The following LTBP2 variants were observed in gnomAD, a reference collection of about 807,000 sequenced individuals.
LTBP2 encodes latent-transforming growth factor beta-binding protein 2.
LTBP2 carries 103 observed loss-of-function variants against 210.6 expected under a neutral mutation model. The observed-to-expected ratio is 0.49, with a 90% confidence interval of 0.42 to 0.58. The LOEUF is 0.58. LTBP2 is among the 20% of genes least tolerant of loss of function. LTBP2 has a pLI of 0.00. For synonymous variants in LTBP2, 1,007 were observed against 1,015.0 expected, an observed-to-expected ratio of 0.99 and a Z score of 0.15; for missense variants, 2,313 against 2,494.5, an observed-to-expected ratio of 0.93 and a Z score of 1.55.
chr14:74,522,346 T>C (rs1009829986), intron 16 of LTBP2, among the ~76,000 whole-genome samples: 1 of 152,180 alleles, frequency 6.6e-6, no homozygotes, highest in African/African-American at 2.4e-5. Context: ...TTCTCCCTTA[T>C]TTGAAAATAT....
chr14:74,609,852 C>G (rs570273640), intron 1 of LTBP2, among the ~76,000 whole-genome samples: 1 of 152,400 alleles, frequency 6.6e-6, no homozygotes, highest in East Asian at 1.9e-4. Flanking sequence ...GACTCTGGGC[C>G]TCCATCCCCT....
chr14:74,574,386 C>G (rs2088027741), intron 3 of LTBP2, among the ~76,000 whole-genome samples: 1 of 152,174 alleles, frequency 6.6e-6, no homozygotes, highest in African/African-American at 2.4e-5. Context: ...CTCCTGGGTG[C>G]TGGTCCCTGT....
At chr14:74,509,111 G>A in intron 22 of LTBP2, 127 bp downstream of exon 22, 1 of 1,575,972 alleles carries the variant, frequency 6.3e-7, no homozygotes, top group Non-Finnish European at 8.7e-7. Context: ...AAGCTTGTGA[G>A]CGACTCTTGG....
intron 24 of LTBP2, 66 bp downstream of exon 24, chr14:74,508,538 A>G: frequency 6.4e-7 from 1 of 1,566,884 alleles, no homozygotes; most frequent in South Asian, 1.1e-5. Context: ...GCTCCTGACC[A>G]GTAGAGGTAG....
intron 2 of LTBP2, among the ~76,000 whole-genome samples, chr14:74,602,076 C>A (rs1012061907): frequency 7.9e-5 from 12 of 152,312 alleles, no homozygotes; most frequent in Middle Eastern, 3.4e-3. Flanking sequence ...CTGCTATGGT[C>A]TGTGGGGATT....
At chr14:74,501,050 G>T (rs1244405989) in intron 35 of LTBP2, 21 bp from the exon 36 acceptor site, 3 of 1,608,806 alleles carry the variant, frequency 1.9e-6, no homozygotes, top group Non-Finnish European at 2.5e-6. Context: ...ACAAAGGAGA[G>T]TGCTGTAGGG....
intron 19 of LTBP2, 92 bp from the exon 20 acceptor site, chr14:74,510,305 G>T: frequency 6.3e-7 from 1 of 1,580,706 alleles, no homozygotes; most frequent in South Asian, 1.1e-5. Flanking sequence ...TATGAGGCCA[G>T]GGAACCAGCC....
At chr14:74,507,018 C>T (rs1404904652) in intron 26 of LTBP2, among the ~76,000 whole-genome samples, 161 bp downstream of exon 26, 1 of 152,266 alleles carries the variant, frequency 6.6e-6, no homozygotes, top group Non-Finnish European at 1.5e-5. Flanking sequence ...CTAACATTCA[C>T]AGTCCTGTGG....
intron 3 of LTBP2, among the ~76,000 whole-genome samples, chr14:74,567,951 G>A (rs924806061): frequency 2.0e-5 from 3 of 152,044 alleles, no homozygotes; most frequent in Admixed American, 6.5e-5. Context: ...TGAATTCGTC[G>A]TTCAACCACC....
At chr14:74,596,761 C>T (rs1566654284) in intron 2 of LTBP2, among the ~76,000 whole-genome samples, 1 of 152,114 alleles carries the variant, frequency 6.6e-6, no homozygotes, top group East Asian at 1.9e-4. Context: ...CCCTGTAGCC[C>T]CTGGGTGGCT....
At position 74,510,088 on chromosome 14, in the gene LTBP2, T is replaced by C; in HGVS notation, c.3151+3A>G. The C allele has an allele frequency of 6.2e-7, 1 of 1,614,066 alleles. No homozygotes were observed. Among genetic ancestry groups the C allele is most frequent in the South Asian group, 1.1e-5 (1 of 91,086 alleles). On this transcript the variant is annotated splice_donor_region_variant and intron_variant, in intron 20 of 35. Transcript: ENST00000261978. The stretch of plus-strand genomic sequence containing the variant: ...GAGAAGGGGCGCTTCAGCATCTCTG[T>C]ACCTTGGCAGCCCTTCTCATCTGAG...
chr14:74,551,211 G>A lies in LTBP2; in HGVS notation c.1539C>T (p.Pro513=). The A allele has an allele frequency of 6.2e-7, 1 of 1,613,508 alleles. No individual in the cohort carries two copies. The highest frequency in any genetic ancestry group is 8.5e-7 in the Non-Finnish European group (1 of 1,179,968). The stretch of plus-strand genomic sequence containing the variant: ...TGTGGCCAGGGCTGGCAGGCAGCCA[G>A]GGCGGGGGTCTGGTCTCCACGCTGT... The part of the protein sequence containing the change: ...VENSVETRPP[P]WLPASPGHSL... The change falls in exon 7 of 36, where the codon CCC becomes CCT. Residue 513 remains proline, a synonymous_variant. Coordinates refer to ENST00000261978, the MANE Select transcript of LTBP2 (RefSeq NM_000428.3).
At chr14:74,576,180 C>T (rs1228291086) in intron 3 of LTBP2, among the ~76,000 whole-genome samples, 2 of 152,244 alleles carry the variant, frequency 1.3e-5, no homozygotes, top group Non-Finnish European at 2.9e-5. Flanking sequence ...GCTGGGAGAG[C>T]CCCTCCATGT....
At chr14:74,529,498 T>G (rs1424845482) in intron 10 of LTBP2, among the ~76,000 whole-genome samples, 2 of 152,116 alleles carry the variant, frequency 1.3e-5, no homozygotes, top group Non-Finnish European at 2.9e-5. Context: ...GACCACAGCC[T>G]CCCTGGGAAG....
intron 18 of LTBP2, among the ~76,000 whole-genome samples, chr14:74,513,941 A>G (rs1311726559): frequency 3.3e-5 from 5 of 152,222 alleles, no homozygotes; most frequent in Admixed American, 6.5e-5. Flanking sequence ...GCCAGTGATT[A>G]TCACACGTGA....
At chr14:74,545,346 A>T (rs761333643) in intron 8 of LTBP2, among the ~76,000 whole-genome samples, 1 of 152,216 alleles carries the variant, frequency 6.6e-6, no homozygotes, top group East Asian at 1.9e-4. Flanking sequence ...GAGACAAAAC[A>T]TGTGAAGGGC....
At chr14:74,552,468 G>T in intron 5 of LTBP2, 75 bp from the exon 6 acceptor site, 1 of 1,407,506 alleles carries the variant, frequency 7.1e-7, no homozygotes, top group Non-Finnish European at 9.9e-7. Flanking sequence ...GACCACCACA[G>T]AGAAACAGGC....
intron 3 of LTBP2, among the ~76,000 whole-genome samples, chr14:74,566,081 T>TA (rs1030926562): frequency 3.3e-5 from 5 of 152,100 alleles, no homozygotes; most frequent in African/African-American, 4.8e-5. Context: ...TTTTTTTTTT[T>TA]AATTTTTTTT....
intron 8 of LTBP2, among the ~76,000 whole-genome samples, chr14:74,546,377 C>T (rs1006610877): frequency 1.3e-5 from 2 of 152,156 alleles, no homozygotes; most frequent in African/African-American, 2.4e-5. Flanking sequence ...AGAAATGTGC[C>T]CACCCCAGCC....
Sources: gnomAD v4.1 joint callset for allele counts (sites outside exome capture counted in the v4.1 genomes callset) on GRCh38, gnomAD v4.1.1 for gene constraint, MANE v1.5 for transcripts, NCBI Gene and HGNC (gene_info 2026-07-23, HGNC 2026-07-21) for gene names.